Variants in CSMD1 observed in about 807,000 individuals in gnomAD.
CSMD1 encodes CUB and sushi domain-containing protein 1.
Under a neutral mutation model 417.5 loss-of-function variants are expected in CSMD1, and 213 were observed. That is an observed-to-expected ratio of 0.51 (90% CI 0.46 to 0.57). The LOEUF (loss-of-function observed/expected upper bound fraction) is 0.57. Ranked by LOEUF, CSMD1 falls within the 20% of genes least tolerant of loss-of-function variation. CSMD1 has a pLI of 0.00. For synonymous variants in CSMD1, 2,862 were observed against 1,736.8 expected (o/e 1.65, Z -16.11); for missense variants, 6,923 against 4,529.7 (o/e 1.53, Z -15.17).
intron 26 of CSMD1, among the ~76,000 whole-genome samples, chr8:3,270,266 C>T (rs1249600703): frequency 3.9e-5 from 6 of 151,976 alleles, no homozygotes; most frequent in Non-Finnish European, 8.8e-5. Context: ...CCATGTTGGC[C>T]AGGCTGGCCT....
intron 5 of CSMD1, among the ~76,000 whole-genome samples, chr8:3,931,966 A>C (rs536001720): frequency 1.1e-4 from 16 of 150,124 alleles, no homozygotes; most frequent in South Asian, 6.5e-4. Flanking sequence ...ACTTTTTAAA[A>C]AATTAAAATA....
At chr8:3,737,721 C>T (rs543593801) in intron 6 of CSMD1, among the ~76,000 whole-genome samples, 1 of 152,124 alleles carries the variant, frequency 6.6e-6, no homozygotes, top group African/African-American at 2.4e-5. Flanking sequence ...CAAATTGAGG[C>T]AGTGATATTT....
intron 5 of CSMD1, among the ~76,000 whole-genome samples, chr8:3,857,864 G>C (rs115990926): frequency 3.2e-4 from 49 of 152,328 alleles, no homozygotes; most frequent in African/African-American, 1.2e-3. Context: ...TGCTGAGTGA[G>C]AGATTACGTG....
intron 10 of CSMD1, among the ~76,000 whole-genome samples, chr8:3,571,788 G>A (rs1210642712): frequency 6.6e-6 from 1 of 151,804 alleles, no homozygotes; most frequent in Non-Finnish European, 1.5e-5. Context: ...CCACTCCATG[G>A]TGTCTGCTCT....
At chr8:4,955,750 C>T (rs897875269) in intron 1 of CSMD1, among the ~76,000 whole-genome samples, 2 of 124,000 alleles carry the variant, frequency 1.6e-5, no homozygotes, top group Non-Finnish European at 3.5e-5. Flanking sequence ...GCCACCACGC[C>T]CGGGCCCTCT....
chr8:3,328,030 A>AAACT (rs1806646536), intron 23 of CSMD1, among the ~76,000 whole-genome samples: 1 of 152,186 alleles, frequency 6.6e-6, no homozygotes. Context: ...CAGTTTCCAG[A>AAACT]AACTACCCTG....
intron 10 of CSMD1, among the ~76,000 whole-genome samples, chr8:3,521,006 G>C (rs967127940): frequency 6.6e-6 from 1 of 152,054 alleles, no homozygotes; most frequent in Non-Finnish European, 1.5e-5. Context: ...CCTCTCTGGA[G>C]CATCCATTCC....
intron 25 of CSMD1, among the ~76,000 whole-genome samples, chr8:3,291,858 C>A (rs1380947554): frequency 6.6e-6 from 1 of 151,790 alleles, no homozygotes; most frequent in Non-Finnish European, 1.5e-5. Flanking sequence ...TTATTTCTTG[C>A]CTTCTGCTAG....
chr8:3,431,751 C>T lies in CSMD1; in HGVS notation c.1562-22146G>A, dbSNP rs116533373. Among the ~76,000 whole-genome samples, 1,305 of 152,250 alleles carry T rather than the reference C, an allele frequency of 8.6e-3. 21 individuals are homozygous for T. The highest frequency in any genetic ancestry group is 0.03 in the African/African-American group (1,229 of 41,542). ...CACTTTACTTTTGCTCTATCTACAA[C>T]GATAACTTGTTCAATGACTTTGAAA... On this transcript the variant is annotated intron_variant, in intron 12 of 69. Transcript: ENST00000635120.
At chr8:4,604,047 G>C (rs900536579) in intron 2 of CSMD1, among the ~76,000 whole-genome samples, 1 of 151,976 alleles carries the variant, frequency 6.6e-6, no homozygotes, top group Non-Finnish European at 1.5e-5. Flanking sequence ...TCAGTTTATT[G>C]ACAGTTGTTA....
chr8:4,507,641 T>C (rs1390910071), intron 2 of CSMD1, among the ~76,000 whole-genome samples: 1 of 152,050 alleles, frequency 6.6e-6, no homozygotes, highest in Non-Finnish European at 1.5e-5. Context: ...AAAAAGAAAG[T>C]TTGATTAAGT....
At chr8:3,168,088 C>T (rs1020843365) in intron 37 of CSMD1, among the ~76,000 whole-genome samples, 1 of 151,026 alleles carries the variant, frequency 6.6e-6, no homozygotes, top group Non-Finnish European at 1.5e-5. Flanking sequence ...AACTAGAGAG[C>T]TCAAAACAAA....
chr8:3,729,779 T>C (rs566226196), intron 6 of CSMD1, among the ~76,000 whole-genome samples: 168 of 152,168 alleles, frequency 1.1e-3, no homozygotes, highest in Middle Eastern at 3.4e-3. Flanking sequence ...TTTCAGGTGA[T>C]AGATATCCTG....
At position 3,914,369 on chromosome 8, in the gene CSMD1, AT is replaced by A. The variant is rs765262469; in HGVS notation, c.818+83533del. ...GGATGTGTCCCATTACGTTGGATAG[AT>A]GTAAAAACATACGGGTACAGATAAA... is the stretch of plus-strand genomic sequence containing the variant. On this transcript the variant is annotated intron_variant, in intron 5 of 69. Transcript: ENST00000635120. Among the ~76,000 whole-genome samples, 126 of 152,274 alleles carry A rather than the reference AT, an allele frequency of 8.3e-4. 1 individual carries two copies. The highest frequency in any genetic ancestry group is 6.8e-4 in the Non-Finnish European group (46 of 68,022).
intron 40 of CSMD1, among the ~76,000 whole-genome samples, chr8:3,144,982 G>C (rs1047428368): frequency 6.6e-6 from 1 of 152,042 alleles, no homozygotes; most frequent in Non-Finnish European, 1.5e-5. Context: ...CAGTTTGGCG[G>C]TATGCCCACA....
intron 25 of CSMD1, among the ~76,000 whole-genome samples, chr8:3,290,230 C>A (rs1803449517): frequency 1.4e-5 from 2 of 147,162 alleles, no homozygotes; most frequent in African/African-American, 2.7e-5. Context: ...GTTACTGTAG[C>A]CTTGTAGTGT....
intron 2 of CSMD1, among the ~76,000 whole-genome samples, chr8:4,431,737 C>G (rs550310020): frequency 6.6e-6 from 1 of 152,096 alleles, no homozygotes; most frequent in Non-Finnish European, 1.5e-5. Context: ...AATTGTTGTT[C>G]TAACAATTTT....
intron 1 of CSMD1, among the ~76,000 whole-genome samples, chr8:4,703,679 C>G (rs1489956705): frequency 6.6e-6 from 1 of 152,056 alleles, no homozygotes. Flanking sequence ...TAGTAGTTGA[C>G]TTAGCATTGC....
intron 10 of CSMD1, among the ~76,000 whole-genome samples, chr8:3,522,702 T>A (rs1797558038): frequency 6.6e-6 from 1 of 152,026 alleles, no homozygotes; most frequent in Non-Finnish European, 1.5e-5. Flanking sequence ...CCCGGTACAT[T>A]CACACCGATA....
Sources: gnomAD v4.1 joint callset for allele counts (sites outside exome capture counted in the v4.1 genomes callset) on GRCh38, gnomAD v4.1.1 for gene constraint, MANE v1.5 for transcripts, NCBI Gene and HGNC (gene_info 2026-07-23, HGNC 2026-07-21) for gene names.